The following TEKTL1 variants were observed in gnomAD, a reference collection of about 807,000 sequenced individuals.
TEKTL1 encodes the protein tektin-like protein 1.
chr19:15,010,886 T>C, the TEKTL1 span: 5 of 1,563,226 alleles, frequency 3.2e-6, no homozygotes, highest in East Asian at 2.4e-5. Context: ...GGCCCCAGCA[T>C]GGCGCGAGGC....
the TEKTL1 span, chr19:15,011,124 T>C: frequency 2.6e-6 from 4 of 1,541,390 alleles, no homozygotes; most frequent in South Asian, 4.8e-5. Context: ...AAGGGCAAGA[T>C]GAAGCCGCCC....
At chr19:15,022,057 G>T in the TEKTL1 span, 1 of 703,318 alleles carries the variant, frequency 1.4e-6, no homozygotes, top group South Asian at 1.8e-5. Flanking sequence ...GAAGTGGGGA[G>T]GCGGGGGCTT....
the TEKTL1 span, among the ~76,000 whole-genome samples, chr19:15,018,863 C>T: frequency 6.6e-6 from 1 of 151,194 alleles, no homozygotes; most frequent in South Asian, 2.1e-4. Flanking sequence ...CTAAAAGCCA[C>T]GTTTGCAGGA....
the TEKTL1 span, among the ~76,000 whole-genome samples, chr19:15,018,660 C>T: frequency 7.0e-6 from 1 of 142,226 alleles, no homozygotes. Context: ...CTGCTGTGAG[C>T]TGTGATCATG....
the TEKTL1 span, chr19:15,022,046 C>A: frequency 1.4e-6 from 1 of 738,382 alleles, no homozygotes; most frequent in Non-Finnish European, 2.2e-6. Flanking sequence ...ACTCCTGCCA[C>A]GAAGTGGGGA....
the TEKTL1 span, among the ~76,000 whole-genome samples, chr19:15,015,980 A>C: frequency 1.3e-5 from 2 of 152,102 alleles, no homozygotes; most frequent in Non-Finnish European, 2.9e-5. Context: ...TCCTCAGCTA[A>C]ACTGCATTTG....
chr19:15,013,400 C>T, the TEKTL1 span, among the ~76,000 whole-genome samples: 1 of 152,166 alleles, frequency 6.6e-6, no homozygotes, highest in South Asian at 2.1e-4. Context: ...GTTGAGACAC[C>T]TTCATCTCAG....
At chr19:15,014,152 G>A in the TEKTL1 span, among the ~76,000 whole-genome samples, 4 of 152,178 alleles carry the variant, frequency 2.6e-5, no homozygotes, top group Admixed American at 2.6e-4. Context: ...AGTGACTAGA[G>A]TCTAGCTCTT....
the TEKTL1 span, chr19:15,011,040 G>A: frequency 6.3e-7 from 1 of 1,578,138 alleles, no homozygotes; most frequent in Non-Finnish European, 8.6e-7. Flanking sequence ...CAGCCCTGGC[G>A]CTTCCGCGTG....
chr19:15,022,720 C>CA, the TEKTL1 span: 2 of 536,464 alleles, frequency 3.7e-6, no homozygotes, highest in Non-Finnish European at 6.0e-6. Flanking sequence ...TGCCCTGTCG[C>CA]GGTTTTTTTT....
chr19:15,012,647 T>A, the TEKTL1 span, among the ~76,000 whole-genome samples: 1 of 151,736 alleles, frequency 6.6e-6, no homozygotes. Flanking sequence ...CCCAAGGAGA[T>A]GAGATCCTCA....
chr19:15,020,573 C>T, the TEKTL1 span: 1 of 1,614,122 alleles, frequency 6.2e-7, no homozygotes. Flanking sequence ...AGACGCCACT[C>T]ATGGGTGAAC....
At chr19:15,014,586 C>T in the TEKTL1 span, among the ~76,000 whole-genome samples, 1 of 151,708 alleles carries the variant, frequency 6.6e-6, no homozygotes, top group South Asian at 2.1e-4. Context: ...AAGCATTGGA[C>T]CTTGAAGGCA....
the TEKTL1 span, chr19:15,021,662 G>C: frequency 6.2e-7 from 1 of 1,614,110 alleles, no homozygotes; most frequent in Non-Finnish European, 8.5e-7. Flanking sequence ...ACTATCCTCC[G>C]GTGTACGAAA....
At chr19:15,012,519 G>A in the TEKTL1 span, among the ~76,000 whole-genome samples, 12 of 152,010 alleles carry the variant, frequency 7.9e-5, no homozygotes, top group South Asian at 8.3e-4. Flanking sequence ...ATATGATAGG[G>A]CCACTACACT....
At chr19:15,018,289 G>A in the TEKTL1 span, among the ~76,000 whole-genome samples, 1 of 152,172 alleles carries the variant, frequency 6.6e-6, no homozygotes, top group Non-Finnish European at 1.5e-5. Context: ...GGGAGGCAGA[G>A]GTTTCAGTGA....
the TEKTL1 span, among the ~76,000 whole-genome samples, chr19:15,014,738 C>CGGGGGGGGTGGG: frequency 1.7e-4 from 5 of 29,804 alleles, no homozygotes; most frequent in African/African-American, 6.5e-4. Context: ...GGGCGGGGGG[C>CGGGGGGGGTGGG]GGGGGCTGCT....
chr19:15,011,412 C>G, the TEKTL1 span: 1 of 1,408,670 alleles, frequency 7.1e-7, no homozygotes, highest in Middle Eastern at 1.9e-4. Context: ...CCCTCCCCCA[C>G]GCCCAACCCC....
the TEKTL1 span, chr19:15,011,013 G>C: frequency 6.3e-7 from 1 of 1,584,538 alleles, no homozygotes; most frequent in Admixed American, 1.8e-5. Context: ...CACCACCTCG[G>C]CCGCGCCGCC....
Sources: gnomAD v4.1 joint callset for allele counts (sites outside exome capture counted in the v4.1 genomes callset) on GRCh38, gnomAD v4.1.1 for gene constraint, MANE v1.5 for transcripts, NCBI Gene and HGNC (gene_info 2026-07-23, HGNC 2026-07-21) for gene names.